Variants in DPP10 observed in about 807,000 individuals in gnomAD.
DPP10 encodes inactive dipeptidyl peptidase 10.
In DPP10, 33 loss-of-function variants were observed where a neutral mutation model predicts 120.9. That is an observed-to-expected ratio of 0.27 (90% confidence interval 0.21 to 0.37). The LOEUF (loss-of-function observed/expected upper bound fraction) is 0.37. Ranked by LOEUF, DPP10 falls within the 10% of genes least tolerant of loss-of-function variation. The pLI is 1.00. For missense variants in DPP10, 816 were observed against 942.8 expected (o/e 0.87, Z 1.76); for synonymous variants, 337 against 326.1 (o/e 1.03, Z -0.36).
At chr2:115,794,335 C>T (rs17044982) in intron 19 of DPP10, among the ~76,000 whole-genome samples, 2,075 of 152,260 alleles carry the variant, frequency 0.014, 48 homozygotes, top group African/African-American at 0.045. Flanking sequence ...GAAAGAAAGA[C>T]TGCCCTGGAA....
At chr2:115,323,122 CCTT>C (rs1307033813) in intron 2 of DPP10, among the ~76,000 whole-genome samples, 1 of 152,168 alleles carries the variant, frequency 6.6e-6, no homozygotes, top group African/African-American at 2.4e-5. Flanking sequence ...CCACAATAGA[CCTT>C]CTTTCAAAAT....
intron 1 of DPP10, among the ~76,000 whole-genome samples, chr2:115,204,888 G>A (rs936842471): frequency 6.6e-6 from 1 of 152,066 alleles, no homozygotes; most frequent in Non-Finnish European, 1.5e-5. Context: ...CCACTTTTAT[G>A]TATTCTGTTG....
chr2:114,629,458 CAAAT>C (rs2105366743), intron 1 of DPP10, among the ~76,000 whole-genome samples: 1 of 152,192 alleles, frequency 6.6e-6, no homozygotes, highest in African/African-American at 2.4e-5. Context: ...CTGTTATTAA[CAAAT>C]AAAGTGGACT....
chr2:114,691,137 T>C (rs2105767972), intron 1 of DPP10, among the ~76,000 whole-genome samples: 1 of 152,254 alleles, frequency 6.6e-6, no homozygotes, highest in Non-Finnish European at 1.5e-5. Flanking sequence ...ATCCTTGCCT[T>C]GTACTGGTTT....
chr2:115,214,418 T>G (rs908523178), intron 1 of DPP10, among the ~76,000 whole-genome samples: 1 of 152,206 alleles, frequency 6.6e-6, no homozygotes, highest in African/African-American at 2.4e-5. Flanking sequence ...TATGAAATTG[T>G]TAAACTCTGT....
At chr2:115,455,482 G>C (rs1286699200) in intron 3 of DPP10, among the ~76,000 whole-genome samples, 1 of 151,946 alleles carries the variant, frequency 6.6e-6, no homozygotes, top group African/African-American at 2.4e-5. Flanking sequence ...ATTTCATATG[G>C]AACCAAAAAA....
At chr2:115,577,261 T>G (rs2081732553) in intron 5 of DPP10, among the ~76,000 whole-genome samples, 1 of 152,148 alleles carries the variant, frequency 6.6e-6, no homozygotes, top group Admixed American at 6.5e-5. Context: ...TTCCGTAGAG[T>G]CTAGTTTCTG....
At chr2:114,863,737 C>A (rs144202000) in intron 1 of DPP10, among the ~76,000 whole-genome samples, 66 of 152,324 alleles carry the variant, frequency 4.3e-4, no homozygotes, top group Middle Eastern at 3.4e-3. Flanking sequence ...AAGGATAGCA[C>A]ATCTGCATTT....
chr2:114,552,165 T>G (rs183018474), intron 1 of DPP10, among the ~76,000 whole-genome samples: 1 of 152,322 alleles, frequency 6.6e-6, no homozygotes, highest in Admixed American at 6.5e-5. Flanking sequence ...AGCTCTGTGG[T>G]GTGTTAAGTC....
At chr2:115,391,542 C>G (rs1324416435) in intron 3 of DPP10, among the ~76,000 whole-genome samples, 1 of 152,054 alleles carries the variant, frequency 6.6e-6, no homozygotes, top group South Asian at 2.1e-4. Flanking sequence ...CTGAATAACT[C>G]TATAATCGTC....
chr2:114,964,405 A>G (rs1698856441), intron 1 of DPP10, among the ~76,000 whole-genome samples: 1 of 152,174 alleles, frequency 6.6e-6, no homozygotes, highest in Non-Finnish European at 1.5e-5. Context: ...AGATGGGACT[A>G]GTGCTACAGA....
intron 1 of DPP10, among the ~76,000 whole-genome samples, chr2:115,191,125 G>T (rs1342373519): frequency 6.6e-6 from 1 of 152,154 alleles, no homozygotes; most frequent in Non-Finnish European, 1.5e-5. Flanking sequence ...GAGCAGAGAT[G>T]GTAATCTGTA....
At chr2:115,837,666 C>A (rs995985082) in intron 24 of DPP10, among the ~76,000 whole-genome samples, 1 of 152,100 alleles carries the variant, frequency 6.6e-6, no homozygotes, top group Non-Finnish European at 1.5e-5. Flanking sequence ...CATGTTATTA[C>A]TGTTATTAAA....
At chr2:114,505,666 G>A (rs1683587974) in intron 1 of DPP10, among the ~76,000 whole-genome samples, 1 of 152,048 alleles carries the variant, frequency 6.6e-6, no homozygotes, top group Admixed American at 6.6e-5. Flanking sequence ...AAGGCACAAA[G>A]GAATAAACTC....
intron 1 of DPP10, among the ~76,000 whole-genome samples, chr2:115,134,458 C>G (rs994598331): frequency 1.3e-5 from 2 of 152,156 alleles, no homozygotes; most frequent in South Asian, 4.1e-4. Context: ...ATATGTGTTA[C>G]TATAATCACA....
intron 12 of DPP10, among the ~76,000 whole-genome samples, chr2:115,766,310 GTATATATATATA>G (rs1221483510): frequency 0.052 from 4,247 of 81,634 alleles, 120 homozygotes; most frequent in Non-Finnish European, 0.073. Context: ...GTGTGTGTGT[GTATATATATATA>G]TATGTATATA....
At chr2:115,742,980 C>A (rs1196432168) in intron 9 of DPP10, among the ~76,000 whole-genome samples, 1 of 151,224 alleles carries the variant, frequency 6.6e-6, no homozygotes, top group Admixed American at 6.6e-5. Context: ...CGGTTCTATC[C>A]CAGTAACCTC....
intron 1 of DPP10, among the ~76,000 whole-genome samples, chr2:114,720,521 A>G (rs1280748528): frequency 1.3e-5 from 2 of 152,214 alleles, no homozygotes; most frequent in Non-Finnish European, 1.5e-5. Flanking sequence ...ATTATTGGAA[A>G]CAAAAAAATA....
At chr2:114,768,283 A>G (rs1680924609) in intron 1 of DPP10, among the ~76,000 whole-genome samples, 1 of 152,210 alleles carries the variant, frequency 6.6e-6, no homozygotes. Flanking sequence ...TAAAGGATAT[A>G]TTCCAAAAGG....
Sources: gnomAD v4.1 joint callset for allele counts (sites outside exome capture counted in the v4.1 genomes callset) on GRCh38, gnomAD v4.1.1 for gene constraint, MANE v1.5 for transcripts, NCBI Gene and HGNC (gene_info 2026-07-23, HGNC 2026-07-21) for gene names.